Variants in FBXL7 observed in about 807,000 individuals in gnomAD.
FBXL7 encodes the protein F-box/LRR-repeat protein 7.
Under a neutral mutation model 38.3 loss-of-function variants are expected in FBXL7, and 12 were observed. The observed-to-expected ratio is 0.31, with a 90% confidence interval of 0.20 to 0.51. FBXL7 has a LOEUF of 0.51. FBXL7 is among the 20% of genes least tolerant of loss of function. The probability of loss-of-function intolerance (pLI) is 0.98; values close to 1 mark genes in which losing one functional copy is unlikely to be tolerated. For synonymous variants in FBXL7, 297 were observed against 300.9 expected, an observed-to-expected ratio of 0.99 and a Z score of 0.13; for missense variants, 567 against 676.4, an observed-to-expected ratio of 0.84 and a Z score of 1.79.
intron 1 of FBXL7, among the ~76,000 whole-genome samples, chr5:15,541,525 CT>C (rs1300123757): frequency 1.5e-5 from 2 of 129,944 alleles, no homozygotes; most frequent in Non-Finnish European, 3.2e-5. Context: ...ACCCCCACCC[CT>C]ATTCCCACTC....
chr5:15,724,652 A>G (rs1262834792), intron 2 of FBXL7, among the ~76,000 whole-genome samples: 3 of 152,210 alleles, frequency 2.0e-5, no homozygotes, highest in Non-Finnish European at 4.4e-5. Context: ...GTTTTCAACT[A>G]TCACATTTAT....
chr5:15,659,942 C>A (rs1742002009), intron 2 of FBXL7, among the ~76,000 whole-genome samples: 2 of 152,126 alleles, frequency 1.3e-5, no homozygotes, highest in Admixed American at 1.3e-4. Flanking sequence ...TCAGATATTT[C>A]TTTATCGTTT....
chr5:15,760,811 C>T (rs781524464), intron 2 of FBXL7, among the ~76,000 whole-genome samples: 19 of 152,024 alleles, frequency 1.2e-4, no homozygotes, highest in Non-Finnish European at 1.9e-4. Context: ...AAACTTAACT[C>T]TTAAGTCATT....
intron 2 of FBXL7, among the ~76,000 whole-genome samples, chr5:15,847,909 AC>A (rs928167539): frequency 6.6e-6 from 1 of 152,126 alleles, no homozygotes; most frequent in Admixed American, 6.5e-5. Context: ...TGCCAAAAGG[AC>A]CTGAATTCTT....
At chr5:15,687,541 G>A (rs1743050907) in intron 2 of FBXL7, among the ~76,000 whole-genome samples, 1 of 152,188 alleles carries the variant, frequency 6.6e-6, no homozygotes, top group Admixed American at 6.5e-5. Context: ...ATTTCATAGA[G>A]CTGTAGGACC....
intron 2 of FBXL7, among the ~76,000 whole-genome samples, chr5:15,721,661 C>G (rs532286028): frequency 1.3e-4 from 20 of 152,118 alleles, no homozygotes; most frequent in Middle Eastern, 6.8e-3. Flanking sequence ...AAATTATGCC[C>G]TTCCTACTAT....
chr5:15,522,196 TC>T (rs1737115332), intron 1 of FBXL7, among the ~76,000 whole-genome samples: 1 of 152,206 alleles, frequency 6.6e-6, no homozygotes, highest in Admixed American at 6.5e-5. Context: ...AGTGGGTCTC[TC>T]CTGCCCCTCC....
chr5:15,712,910 C>T (rs972061481), intron 2 of FBXL7, among the ~76,000 whole-genome samples: 3 of 152,296 alleles, frequency 2.0e-5, no homozygotes, highest in Non-Finnish European at 2.9e-5. Flanking sequence ...CAAAAAGCTA[C>T]AGCATCTATA....
chr5:15,613,331 G>A (rs957586833), intron 1 of FBXL7, among the ~76,000 whole-genome samples: 2 of 152,142 alleles, frequency 1.3e-5, no homozygotes, highest in South Asian at 4.1e-4. Flanking sequence ...CAGAGGCCAG[G>A]TGGACATACT....
chr5:15,573,815 G>A (rs1014657113), intron 1 of FBXL7, among the ~76,000 whole-genome samples: 4 of 152,112 alleles, frequency 2.6e-5, no homozygotes, highest in Non-Finnish European at 5.9e-5. Context: ...AGTTTATCAC[G>A]AGGTCCTTGA....
intron 2 of FBXL7, among the ~76,000 whole-genome samples, chr5:15,700,229 C>T (rs1438523666): frequency 6.6e-6 from 1 of 152,094 alleles, no homozygotes; most frequent in Non-Finnish European, 1.5e-5. Context: ...ATGAGTTCAC[C>T]CTAGTCTCTA....
chr5:15,617,867 C>T (rs905456297), intron 2 of FBXL7, among the ~76,000 whole-genome samples: 1 of 152,208 alleles, frequency 6.6e-6, no homozygotes, highest in African/African-American at 2.4e-5. Flanking sequence ...CGTTGTTTTA[C>T]AGTCACTCTT....
intron 3 of FBXL7, among the ~76,000 whole-genome samples, chr5:15,930,245 G>T (rs1435525466): frequency 6.6e-6 from 1 of 152,150 alleles, no homozygotes; most frequent in African/African-American, 2.4e-5. Context: ...TTGTGATGTG[G>T]TGGAAACAAG....
chr5:15,863,988 TG>T (rs1739595211), intron 2 of FBXL7, among the ~76,000 whole-genome samples: 1 of 151,570 alleles, frequency 6.6e-6, no homozygotes, highest in South Asian at 2.1e-4. Flanking sequence ...GAGTTACGGA[TG>T]GGTATTGAGG....
Position 15,795,255 on chromosome 5 carries a change from G to C in FBXL7, c.128-132635G>C, listed in dbSNP as rs576805372. Among the ~76,000 whole-genome samples, 384 of 152,318 alleles carry C rather than the reference G, an allele frequency of 2.5e-3. 2 individuals are homozygous for C. The highest frequency in any genetic ancestry group is 4.6e-3 in the Non-Finnish European group (315 of 68,022). ...GACCTCTGAGAAATGATGGTGGTTA[G>C]GGCTGGGAGAGGAAGTAATAGGTAT... On this transcript the variant is annotated intron_variant, in intron 2 of 3. Transcript: ENST00000504595.
intron 2 of FBXL7, among the ~76,000 whole-genome samples, chr5:15,743,057 C>T (rs746872815): frequency 1.3e-4 from 20 of 152,138 alleles, no homozygotes; most frequent in Admixed American, 5.9e-4. Context: ...ATGGGAGCTA[C>T]GATTCAAGAT....
At chr5:15,542,053 A>G (rs998183188) in intron 1 of FBXL7, among the ~76,000 whole-genome samples, 3 of 151,996 alleles carry the variant, frequency 2.0e-5, no homozygotes, top group Non-Finnish European at 2.9e-5. Flanking sequence ...ATCACTGTCT[A>G]TCAGTTCCTG....
At chr5:15,581,486 TC>T (rs1299317346) in intron 1 of FBXL7, among the ~76,000 whole-genome samples, 1 of 152,172 alleles carries the variant, frequency 6.6e-6, no homozygotes, top group Non-Finnish European at 1.5e-5. Flanking sequence ...TGTGATGTGT[TC>T]AGCATGCTGC....
chr5:15,581,995 T>C (rs1739158248), intron 1 of FBXL7, among the ~76,000 whole-genome samples: 1 of 152,148 alleles, frequency 6.6e-6, no homozygotes, highest in South Asian at 2.1e-4. Context: ...TGGAGTGCAG[T>C]GGCATGATCT....
Sources: gnomAD v4.1 joint callset for allele counts (sites outside exome capture counted in the v4.1 genomes callset) on GRCh38, gnomAD v4.1.1 for gene constraint, MANE v1.5 for transcripts, NCBI Gene and HGNC (gene_info 2026-07-23, HGNC 2026-07-21) for gene names.